The following DMD variants were observed in gnomAD, a reference collection of about 807,000 sequenced individuals.
DMD encodes mutant dystrophin.
DMD carries 63 observed loss-of-function variants against 330.1 expected under a neutral mutation model. That is an observed-to-expected ratio of 0.19 (90% confidence interval 0.16 to 0.24). The LOEUF (loss-of-function observed/expected upper bound fraction) is 0.24. Ranked by LOEUF, DMD falls within the 10% of genes least tolerant of loss-of-function variation. DMD has a pLI of 1.00. For missense variants in DMD, 3,344 were observed against 2,684.1 expected (o/e 1.25, Z -5.43); for synonymous variants, 1,223 against 959.8 (o/e 1.27, Z -5.07).
intron 29 of DMD, among the ~76,000 whole-genome samples, chrX:32,427,887 C>T (rs1426233672): frequency 9.0e-6 from 1 of 111,169 alleles, no homozygotes; most frequent in African/African-American, 3.3e-5. Flanking sequence ...ATGTAAGTTT[C>T]TAAACTTATT....
chrX:31,446,655 G>A (rs191961165), intron 59 of DMD, among the ~76,000 whole-genome samples: 143 of 111,622 alleles, frequency 1.3e-3, no homozygotes, highest in Admixed American at 7.1e-3. Context: ...GAGAAAGGTG[G>A]TTTAAATCCA....
intron 30 of DMD, among the ~76,000 whole-genome samples, chrX:32,409,527 A>G (rs1474546046): frequency 9.0e-6 from 1 of 111,585 alleles, no homozygotes; most frequent in Non-Finnish European, 1.9e-5. Flanking sequence ...AGTGCCCCTT[A>G]TCACAACCTG....
Position 32,573,823 on chromosome X carries a change from G to C in DMD, c.1626C>G (p.Asn542Lys). The C allele has an allele frequency of 8.3e-6, 10 of 1,210,708 alleles. No individual in the cohort carries two copies. The highest frequency in any genetic ancestry group is 1.1e-5 in the Non-Finnish European group (10 of 894,671). Reference protein sequence around the residue: ...QLKVLGDRWANICRWTEDRWV... With the variant: ...QLKVLGDRWAKICRWTEDRWV... ...AGCGGTCTTCTGTCCATCTACAGAT[G>C]TTTGCCCATCGATCTCCCAATACCT... is the stretch of plus-strand genomic sequence containing the variant. Residue 542 changes from asparagine (N) to lysine (K), a missense_variant, in exon 14 of 79, where the codon AAC becomes AAG. Coordinates refer to ENST00000357033, the MANE Select transcript of DMD (RefSeq NM_004006.3).
intron 7 of DMD, among the ~76,000 whole-genome samples, chrX:32,722,591 T>G (rs1312033054): frequency 2.7e-5 from 3 of 111,079 alleles, no homozygotes; most frequent in Non-Finnish European, 3.8e-5. Flanking sequence ...TCTACAAACA[T>G]GGGATATTTT....
At position 32,498,857 on chromosome X, in the gene DMD, T is replaced by C. The variant is rs1025589259; in HGVS notation, c.2380+2898A>G. ...CAATACTTTGCACCATCAAATGAGGTTCCCTTCTACATTGTAACCATGGTA... is the reference window on the plus strand; with the variant it reads ...CAATACTTTGCACCATCAAATGAGGCTCCCTTCTACATTGTAACCATGGTA... On this transcript the variant is annotated intron_variant, in intron 19 of 78. Coordinates refer to ENST00000357033, the MANE Select transcript of DMD (RefSeq NM_004006.3). Among the ~76,000 whole-genome samples the C allele has an allele frequency of 4.5e-5, 5 of 111,645 alleles. No homozygotes were observed. In the Admixed American group the frequency reaches 4.8e-4, roughly 11 times the overall value.
chrX:32,563,242 C>T, intron 16 of DMD, among the ~76,000 whole-genome samples: 1 of 103,580 alleles, frequency 9.7e-6, no homozygotes, highest in Non-Finnish European at 1.9e-5. Flanking sequence ...ACTTGGGAGG[C>T]TGAGGCAGGA....
chrX:32,521,524 T>A (rs182216110), intron 17 of DMD, among the ~76,000 whole-genome samples: 71 of 112,192 alleles, frequency 6.3e-4, no homozygotes, highest in African/African-American at 2.0e-3. Context: ...AGAAAACACA[T>A]CAGTCATCAT....
chrX:32,628,241 T>C (rs1359884187), intron 11 of DMD, among the ~76,000 whole-genome samples: 1 of 96,523 alleles, frequency 1.0e-5, no homozygotes, highest in Non-Finnish European at 2.1e-5. Flanking sequence ...TCTATCTCCA[T>C]GAGTTCAGTT....
chrX:33,239,552 A>G (rs115960890), intron 1 of DMD, among the ~76,000 whole-genome samples: 3,822 of 111,591 alleles, frequency 0.034, 168 homozygotes, highest in African/African-American at 0.12. Flanking sequence ...ATCAGATAAT[A>G]TGTCTGCATC....
At chrX:33,301,326 A>AC (rs2053657916) in intron 1 of DMD, among the ~76,000 whole-genome samples, 1 of 111,379 alleles carries the variant, frequency 9.0e-6, no homozygotes, top group South Asian at 3.8e-4. Context: ...CCCACTCCAA[A>AC]CAGACAGAAA....
chrX:33,197,546 C>T (rs2148816978), intron 1 of DMD, among the ~76,000 whole-genome samples: 1 of 111,693 alleles, frequency 9.0e-6, no homozygotes, highest in Non-Finnish European at 1.9e-5. Context: ...TCCATCACCA[C>T]AAGGCTCCAT....
chrX:33,160,263 G>A (rs200752453), intron 1 of DMD, among the ~76,000 whole-genome samples: 1 of 111,534 alleles, frequency 9.0e-6, no homozygotes, highest in Non-Finnish European at 1.9e-5. Flanking sequence ...TGGGTTTATT[G>A]GAACATAACC....
chrX:31,458,326 G>T (rs2066311889), intron 59 of DMD, among the ~76,000 whole-genome samples: 1 of 110,391 alleles, frequency 9.1e-6, no homozygotes, highest in Non-Finnish European at 1.9e-5. Context: ...ATATTTTCAA[G>T]ATATTATTCT....
chrX:32,705,449 C>T (rs1362890211), intron 7 of DMD, among the ~76,000 whole-genome samples: 1 of 111,911 alleles, frequency 8.9e-6, no homozygotes, highest in African/African-American at 3.2e-5. Flanking sequence ...TTGCACTTTC[C>T]ATTACGCTTT....
At chrX:32,626,500 C>T in intron 11 of DMD, among the ~76,000 whole-genome samples, 1 of 104,921 alleles carries the variant, frequency 9.5e-6, no homozygotes, top group South Asian at 3.8e-4. Context: ...AAAACGATGG[C>T]TCAAAAATTC....
chrX:33,056,338 C>CT (rs34961557), intron 1 of DMD, among the ~76,000 whole-genome samples: 32,316 of 102,597 alleles, frequency 0.31, 4,521 homozygotes, highest in East Asian at 0.71. Context: ...CCCCTGCGCT[C>CT]TTTTTTTTTT....
intron 2 of DMD, among the ~76,000 whole-genome samples, chrX:32,944,623 T>A (rs997825963): frequency 2.9e-4 from 30 of 104,964 alleles, no homozygotes; most frequent in South Asian, 4.3e-4. Flanking sequence ...TTTTTTTTTT[T>A]ATACAGAGTC....
At chrX:32,684,309 A>G (rs2062686402) in intron 9 of DMD, among the ~76,000 whole-genome samples, 1 of 111,759 alleles carries the variant, frequency 8.9e-6, no homozygotes, top group Admixed American at 9.5e-5. Context: ...CTAACCATGT[A>G]TCAGTGCTAT....
intron 1 of DMD, among the ~76,000 whole-genome samples, chrX:33,256,983 C>A (rs5971702): frequency 1.8e-5 from 2 of 110,318 alleles, no homozygotes; most frequent in Admixed American, 1.9e-4. Flanking sequence ...TTCTAGTCAC[C>A]ATTTTACGAT....
Sources: gnomAD v4.1 joint callset for allele counts (sites outside exome capture counted in the v4.1 genomes callset) on GRCh38, gnomAD v4.1.1 for gene constraint, MANE v1.5 for transcripts, NCBI Gene and HGNC (gene_info 2026-07-23, HGNC 2026-07-21) for gene names.